LRIG3: variants seen among roughly 807,000 people sequenced by gnomAD.
LRIG3 encodes the protein leucine-rich repeats and immunoglobulin-like domains protein 3.
Under a neutral mutation model 114.5 loss-of-function variants are expected in LRIG3, and 76 were observed. That is an observed-to-expected ratio of 0.66 (90% CI 0.55 to 0.80). The LOEUF (loss-of-function observed/expected upper bound fraction) is 0.80. Among genes scored for constraint, LRIG3 ranks in the 30% least tolerant of loss-of-function variants. LRIG3 has a pLI of 0.00. For synonymous variants in LRIG3, 512 were observed against 519.8 expected (o/e 0.98, Z 0.20); for missense variants, 1,239 against 1,382.8 (o/e 0.90, Z 1.65).
rs182093691 is a variant in LRIG3 at position 58,876,446 on chromosome 12, A to T, written c.2694T>A (p.Ser898Arg). The T allele has an allele frequency of 4.3e-4, 697 of 1,613,864 alleles. 5 individuals are homozygous for T. The Admixed American group carries it at 0.011, about 25-fold the overall frequency. ...AGFFLPQHDS[S>R]GTCHIDNSSE... is the part of the protein sequence containing the mutation. ...CCCACATTCATTTTAAACACTTACC[A>T]CTACTGTCATGTTGTGGTAAGAAAA... The change falls in exon 16 of 19, where the codon AGT becomes AGA. Residue 898 changes from serine to arginine, a missense_variant and splice_region_variant. Transcript: ENST00000320743.
Position 58,920,172 on chromosome 12 carries a change from C to A in LRIG3, c.64G>T (p.Gly22Trp). Residue 22 changes from glycine to tryptophan, a missense_variant, in exon 1 of 19, where the codon GGG becomes TGG. Physicochemically the swap from Gly to Trp is radical, Grantham distance 184 (BLOSUM62 -2). Transcript: ENST00000320743. The stretch of plus-strand genomic sequence containing the variant: ...CCGCTGTCTGACCGGCCAGCGCGCC[C>A]CAGCACCGCGCACAGCAGCAGCCCC... Reference protein sequence around the residue: ...GLGLLLCAVLGRAGRSDSGGR... With the variant: ...GLGLLLCAVLWRAGRSDSGGR... 1 of 1,536,480 alleles carries A rather than the reference C, an allele frequency of 6.5e-7. No homozygotes were observed. The highest frequency in any genetic ancestry group is 2.5e-5 in the East Asian group (1 of 40,692).
chr12:58,879,130 C>A, intron 13 of LRIG3, 25 bp from the exon 14 acceptor site: 2 of 1,589,906 alleles, frequency 1.3e-6, no homozygotes, highest in Non-Finnish European at 1.7e-6. Flanking sequence ...ACAATATAGG[C>A]ATTAGCACAG....
chr12:58,897,937 A>G (rs1440804792), intron 3 of LRIG3, among the ~76,000 whole-genome samples: 2 of 152,160 alleles, frequency 1.3e-5, no homozygotes, highest in Non-Finnish European at 2.9e-5. Flanking sequence ...GTGAGTGGAG[A>G]GAACCTCTGA....
chr12:58,909,123 C>G (rs1565623324), intron 3 of LRIG3, among the ~76,000 whole-genome samples: 1 of 152,120 alleles, frequency 6.6e-6, no homozygotes, highest in Non-Finnish European at 1.5e-5. Context: ...CTGTAAAACC[C>G]CTCTTTGGCC....
chr12:58,907,857 G>A (rs533270508), intron 3 of LRIG3, among the ~76,000 whole-genome samples: 2 of 152,270 alleles, frequency 1.3e-5, no homozygotes, highest in East Asian at 3.9e-4. Flanking sequence ...GTCTGAGACT[G>A]TAGTGGGCTG....
At chr12:58,891,754 T>C (rs1260064014) in intron 3 of LRIG3, among the ~76,000 whole-genome samples, 1 of 152,190 alleles carries the variant, frequency 6.6e-6, no homozygotes, top group Non-Finnish European at 1.5e-5. Context: ...GTTTGAATAA[T>C]CCCTTGGCAT....
At chr12:58,914,203 T>TA in intron 2 of LRIG3, 62 bp downstream of exon 2, 1 of 1,533,364 alleles carries the variant, frequency 6.5e-7, no homozygotes, top group Non-Finnish European at 9.0e-7. Flanking sequence ...TCCTTACGGT[T>TA]AAATAGTATA....
Position 58,878,998 on chromosome 12 carries a change from G to T in LRIG3, c.1909C>A (p.Gln637Lys). 3 of 1,614,170 alleles carry T rather than the reference G, an allele frequency of 1.9e-6. No homozygotes were observed. Among genetic ancestry groups the T allele is most frequent in the Non-Finnish European group, 1.7e-6 (2 of 1,180,026 alleles). The change falls in exon 14 of 19, where the codon CAG (glutamine) becomes AAG (lysine). Residue 637 changes from glutamine to lysine, a missense_variant. Physicochemically the swap from Gln to Lys is moderately conservative, Grantham distance 53. Coordinates refer to ENST00000320743, the MANE Select transcript of LRIG3 (RefSeq NM_153377.5). ...VGHPAPQIAW[Q>K]KDGGTDFPAA... is the part of the protein sequence containing the mutation. ...GGGAAGTCTGTGCCCCCATCCTTCT[G>T]CCAGGCTATCTGGGGGGCTGGGTGC...
intron 3 of LRIG3, among the ~76,000 whole-genome samples, chr12:58,904,290 C>T (rs1465600558): frequency 1.3e-5 from 2 of 152,028 alleles, no homozygotes; most frequent in Non-Finnish European, 2.9e-5. Flanking sequence ...AATAACTAGG[C>T]CAGGAGAGAG....
In LRIG3 at chr12:58,877,716, G is replaced by A. The variant is rs759893142; in HGVS notation, c.2220C>T (p.Thr740=). ...TGCCTGCTGCAAAAAAGTGCCTCTC[G>A]GTTACCACCAATGGGCTATCATCTT... ...WTKDDSPLVV[T]ERHFFAAGNQ... Residue 740 remains threonine, a synonymous_variant, in exon 15 of 19, where the codon ACC becomes ACT. Coordinates refer to ENST00000320743, the MANE Select transcript of LRIG3 (RefSeq NM_153377.5). The A allele has an allele frequency of 6.8e-6, 11 of 1,614,030 alleles. No individual in the cohort carries two copies. In the Admixed American group the frequency reaches 1.0e-4, roughly 15 times the overall value.
intron 8 of LRIG3, 33 bp from the exon 9 acceptor site, chr12:58,886,923 A>G (rs112296032): frequency 6.3e-7 from 1 of 1,576,988 alleles, no homozygotes; most frequent in Non-Finnish European, 8.7e-7. Flanking sequence ...CTTTAGAGTG[A>G]TAAGCTCAGA....
chr12:58,893,973 G>T (rs1871545809), intron 3 of LRIG3, among the ~76,000 whole-genome samples: 1 of 152,188 alleles, frequency 6.6e-6, no homozygotes, highest in Non-Finnish European at 1.5e-5. Flanking sequence ...AGTTGGGGGT[G>T]GGGAGGCAGG....
chr12:58,906,945 C>T (rs544288214), intron 3 of LRIG3, among the ~76,000 whole-genome samples: 4 of 151,350 alleles, frequency 2.6e-5, no homozygotes, highest in South Asian at 2.1e-4. Context: ...ATTTTATTCC[C>T]CTGCTTAAAA....
At chr12:58,910,506 G>A (rs1292545303) in intron 3 of LRIG3, among the ~76,000 whole-genome samples, 1 of 152,202 alleles carries the variant, frequency 6.6e-6, no homozygotes, top group Non-Finnish European at 1.5e-5. Context: ...TGCTGGGGAG[G>A]CTGAGGCAAG....
rs756161153 is a variant in LRIG3 at position 58,874,464 on chromosome 12, C to T, written c.2805G>A (p.Val935=). 6.2e-7 allele frequency: 1 copy of T among 1,614,206 alleles called. No individual in the cohort carries two copies. Among genetic ancestry groups the T allele is most frequent in the Non-Finnish European group, 8.5e-7 (1 of 1,180,036 alleles). ...ATGTTTCAAAAGGATCTGAGCCATA[C>T]ACATTTCCCTTCAAATACATAGGGC... The part of the protein sequence containing the change: ...STGPMYLKGN[V]YGSDPFETYH... Residue 935 remains valine (V), a synonymous_variant, in exon 17 of 19, where the codon GTG becomes GTA. Transcript: ENST00000320743.
intron 1 of LRIG3, among the ~76,000 whole-genome samples, chr12:58,917,495 T>C (rs1353644373): frequency 6.6e-6 from 1 of 152,170 alleles, no homozygotes; most frequent in Non-Finnish European, 1.5e-5. Context: ...CTCGCTCACA[T>C]AGTTACTCTT....
At chr12:58,886,352 C>T (rs975837702) in intron 9 of LRIG3, among the ~76,000 whole-genome samples, 5 of 151,880 alleles carry the variant, frequency 3.3e-5, no homozygotes, top group Non-Finnish European at 5.9e-5. Context: ...TGACCATCTG[C>T]AAGACCATTT....
At chr12:58,873,977 A>AAGGT (rs762236916) in intron 18 of LRIG3, 78 bp downstream of exon 18, 176 of 1,506,344 alleles carry the variant, frequency 1.2e-4, no homozygotes, top group Non-Finnish European at 1.4e-4. Context: ...TTTGACATTC[A>AAGGT]AGGCTGTCAT....
chr12:58,904,326 G>A (rs11172817), intron 3 of LRIG3, among the ~76,000 whole-genome samples: 11,459 of 152,162 alleles, frequency 0.075, 482 homozygotes, highest in East Asian at 0.11. Context: ...TGCCATCCCA[G>A]TCATGAAAAG....
Sources: allele counts gnomAD v4.1 joint callset (sites outside exome capture counted in the v4.1 genomes callset), GRCh38; gene constraint gnomAD v4.1.1; transcripts MANE v1.5; gene names NCBI Gene and HGNC (gene_info 2026-07-23, HGNC 2026-07-21).